Variants in PSTPIP2 observed in about 807,000 individuals in gnomAD.
PSTPIP2 encodes the protein proline-serine-threonine phosphatase interacting protein 2.
Under a neutral mutation model 63.3 loss-of-function variants are expected in PSTPIP2, and 33 were observed. The ratio of observed to expected loss-of-function variants is 0.52; its 90% CI spans 0.40 to 0.70. The LOEUF (loss-of-function observed/expected upper bound fraction) is 0.70, where lower values mean the gene tolerates loss of function less well. PSTPIP2 is among the 30% of genes least tolerant of loss of function. The pLI, the probability that PSTPIP2 is intolerant of heterozygous loss-of-function variation, is 0.00. For missense variants in PSTPIP2, 312 were observed against 400.7 expected (o/e 0.78, Z 1.89); for synonymous variants, 125 against 132.7 (o/e 0.94, Z 0.40).
At chr18:45,994,090 T>C in intron 9 of PSTPIP2, 1 of 290,554 alleles carries the variant, frequency 3.4e-6, no homozygotes, top group Non-Finnish European at 6.8e-6. Flanking sequence ...ACTGGCAAGA[T>C]GGTCATAATT....
intron 1 of PSTPIP2, among the ~76,000 whole-genome samples, chr18:46,053,047 G>GTT (rs1360574646): frequency 6.6e-6 from 1 of 152,078 alleles, no homozygotes; most frequent in East Asian, 1.9e-4. Context: ...TAATCTCCAA[G>GTT]TTTACACATC....
chr18:46,031,677 A>G (rs1237053951), intron 2 of PSTPIP2, among the ~76,000 whole-genome samples: 2 of 152,226 alleles, frequency 1.3e-5, no homozygotes, highest in Non-Finnish European at 1.5e-5. Context: ...TATAATATAC[A>G]GGCATTTTAT....
intron 8 of PSTPIP2, 61 bp from the exon 9 acceptor site, chr18:45,997,889 C>T (rs928227923): frequency 6.8e-7 from 1 of 1,466,778 alleles, no homozygotes; most frequent in Non-Finnish European, 9.5e-7. Context: ...CGCAGATACA[C>T]CCACAGGCTG....
intron 1 of PSTPIP2, among the ~76,000 whole-genome samples, chr18:46,047,371 G>A (rs941810058): frequency 7.9e-5 from 12 of 152,246 alleles, no homozygotes; most frequent in Non-Finnish European, 1.5e-4. Flanking sequence ...TCAGGAGTTC[G>A]AGACCAGCTT....
chr18:46,032,754 C>CAAAAAAAAAAAAAAAAAAAAAAAAGAA, intron 2 of PSTPIP2, among the ~76,000 whole-genome samples: 1 of 50,158 alleles, frequency 2.0e-5, no homozygotes, highest in Admixed American at 2.3e-4. Flanking sequence ...AACTCTGTGT[C>CAAAAAAAAAAAAAAAAAAAAAAAAGAA]AAAAAAAAAA....
intron 1 of PSTPIP2, among the ~76,000 whole-genome samples, chr18:46,058,464 C>T (rs1479737180): frequency 6.6e-6 from 1 of 152,064 alleles, no homozygotes; most frequent in Non-Finnish European, 1.5e-5. Context: ...TCAAGCAACT[C>T]TCCTGCCTCA....
chr18:46,062,709 G>A (rs564086666), intron 1 of PSTPIP2, among the ~76,000 whole-genome samples: 62 of 152,054 alleles, frequency 4.1e-4, no homozygotes, highest in Non-Finnish European at 8.5e-4. Context: ...TAGAGACGGG[G>A]TTTCACCGTG....
At chr18:46,013,203 C>A (rs554191209) in intron 4 of PSTPIP2, among the ~76,000 whole-genome samples, 8 of 152,308 alleles carry the variant, frequency 5.3e-5, no homozygotes, top group Admixed American at 1.3e-4. Context: ...CCATGCCATA[C>A]TTGGCCTCAC....
intron 2 of PSTPIP2, among the ~76,000 whole-genome samples, chr18:46,026,451 T>C (rs757960168): frequency 1.1e-4 from 17 of 152,266 alleles, no homozygotes; most frequent in Admixed American, 6.5e-4. Context: ...TTATAGACTA[T>C]GTATATACAA....
At chr18:46,031,990 C>T (rs1397879814) in intron 2 of PSTPIP2, among the ~76,000 whole-genome samples, 1 of 152,112 alleles carries the variant, frequency 6.6e-6, no homozygotes, top group Non-Finnish European at 1.5e-5. Context: ...GGGTATTTCC[C>T]CGTAAATGGG....
intron 3 of PSTPIP2, among the ~76,000 whole-genome samples, chr18:46,016,660 T>C (rs2144088282): frequency 6.6e-6 from 1 of 152,260 alleles, no homozygotes; most frequent in East Asian, 1.9e-4. Flanking sequence ...ACAACACACA[T>C]TTATTATCTC....
At chr18:46,066,255 A>G (rs1909186067) in intron 1 of PSTPIP2, among the ~76,000 whole-genome samples, 1 of 152,086 alleles carries the variant, frequency 6.6e-6, no homozygotes, top group Admixed American at 6.6e-5. Context: ...TGAGCCCAGG[A>G]GTTTGAGGCT....
At chr18:46,016,560 T>C (rs186586224) in intron 3 of PSTPIP2, among the ~76,000 whole-genome samples, 1 of 147,676 alleles carries the variant, frequency 6.8e-6, no homozygotes, top group East Asian at 1.9e-4. Context: ...ACAGACCTTA[T>C]CCCAGACCTC....
intron 2 of PSTPIP2, among the ~76,000 whole-genome samples, chr18:46,039,735 T>C (rs534042051): frequency 6.6e-6 from 1 of 152,300 alleles, no homozygotes; most frequent in Admixed American, 6.5e-5. Flanking sequence ...TATAATTCGT[T>C]CGCAGTTTCA....
In PSTPIP2 at chr18:45,997,846, G is replaced by T; in HGVS notation, c.563-18C>A. On this transcript the variant is annotated intron_variant, in intron 8 of 14. Coordinates refer to ENST00000409746, the MANE Select transcript of PSTPIP2 (RefSeq NM_024430.4). ...TGCTTTGTCTGCAACAGAAGGGAGAGACCTGGGTCAGAAACTAGACAGGAA... is the reference window on the plus strand; with the variant it reads ...TGCTTTGTCTGCAACAGAAGGGAGATACCTGGGTCAGAAACTAGACAGGAA... 2 of 1,608,372 alleles carry T rather than the reference G, an allele frequency of 1.2e-6. No homozygotes were observed.
intron 3 of PSTPIP2, among the ~76,000 whole-genome samples, chr18:46,017,682 G>T (rs1312841014): frequency 1.3e-5 from 2 of 151,888 alleles, no homozygotes; most frequent in Non-Finnish European, 2.9e-5. Context: ...TGTACAAAAT[G>T]ATGCTTTGAA....
chr18:45,995,062 T>C (rs779919510), intron 9 of PSTPIP2, among the ~76,000 whole-genome samples: 3 of 145,474 alleles, frequency 2.1e-5, no homozygotes, highest in Non-Finnish European at 3.0e-5. Flanking sequence ...TTGTTTTGTT[T>C]TGTTTTGTTT....
rs79804008 is a variant in PSTPIP2, at chr18:45,995,764, C to T, written c.642+1985G>A. On this transcript the variant is annotated intron_variant, in intron 9 of 14. Transcript: ENST00000409746. ...CAAAAAGCGTGGCTGTGAAGAAGGG[C>T]GGGGGTAGTAGGGGTCGTAGATAGA... Among the ~76,000 whole-genome samples, 1,476 of 152,168 alleles carry T rather than the reference C, an allele frequency of 9.7e-3. 6 individuals are homozygous for T. The highest frequency in any genetic ancestry group is 0.016 in the Non-Finnish European group (1,090 of 67,994).
At chr18:46,004,913 T>G (rs2051708348) in intron 6 of PSTPIP2, among the ~76,000 whole-genome samples, 1 of 152,218 alleles carries the variant, frequency 6.6e-6, no homozygotes, top group African/African-American at 2.4e-5. Flanking sequence ...TGCACGTGAA[T>G]GTTCATTGCA....
Sources: allele counts gnomAD v4.1 joint callset (sites outside exome capture counted in the v4.1 genomes callset), GRCh38; gene constraint gnomAD v4.1.1; transcripts MANE v1.5; gene names NCBI Gene and HGNC (gene_info 2026-07-23, HGNC 2026-07-21).